The following TDRD5 variants were observed in gnomAD, a reference collection of about 807,000 sequenced individuals.
The protein encoded by TDRD5 is tudor domain containing 5.
Under a neutral mutation model 120.6 loss-of-function variants are expected in TDRD5, and 41 were observed. The observed-to-expected ratio is 0.34, with a 90% confidence interval of 0.26 to 0.44. The LOEUF is 0.44. Ranked by LOEUF, TDRD5 falls within the 20% of genes least tolerant of loss-of-function variation. The probability of loss-of-function intolerance (pLI) is 1.00; values close to 1 mark genes in which losing one functional copy is unlikely to be tolerated. For missense variants in TDRD5, 1,006 were observed against 1,221.2 expected, an observed-to-expected ratio of 0.82 and a Z score of 2.63; for synonymous variants, 430 against 433.7, an observed-to-expected ratio of 0.99 and a Z score of 0.11.
rs567987535 is a variant in TDRD5, at chr1:179,653,491, G to A, written c.2161-710G>A. ...GTTAATGTTAAAATTAATGAAGCTTGTATGCCCATAACACTTTCCAAAGCC... is the reference window on the plus strand; with the variant it reads ...GTTAATGTTAAAATTAATGAAGCTTATATGCCCATAACACTTTCCAAAGCC... On this transcript the variant is annotated intron_variant, in intron 13 of 17. Coordinates refer to ENST00000444136, the MANE Select transcript of TDRD5 (RefSeq NM_001199085.3). Among the ~76,000 whole-genome samples the A allele has an allele frequency of 1.4e-4, 21 of 152,198 alleles. No homozygotes were observed. The South Asian group carries it at 3.7e-3, about 27-fold the overall frequency.
chr1:179,629,484 T>C (rs1052570066), intron 6 of TDRD5, among the ~76,000 whole-genome samples: 7 of 152,152 alleles, frequency 4.6e-5, no homozygotes, highest in Non-Finnish European at 8.8e-5. Flanking sequence ...AGAATGAAGA[T>C]AGAAGTCACT....
chr1:179,654,392 T>A (rs1340636056), intron 14 of TDRD5, 30 bp downstream of exon 14: 1 of 1,508,748 alleles, frequency 6.6e-7, no homozygotes, highest in East Asian at 2.5e-5. Flanking sequence ...TCTTTGAATA[T>A]GTAATTAATA....
chr1:179,596,283 C>T (rs1428752422), intron 4 of TDRD5, among the ~76,000 whole-genome samples: 1 of 151,972 alleles, frequency 6.6e-6, no homozygotes, highest in African/African-American at 2.4e-5. Context: ...AGAATGAGCA[C>T]GTGGAAATTA....
At chr1:179,593,195 G>C (rs1373434784) in intron 2 of TDRD5, among the ~76,000 whole-genome samples, 4 of 152,206 alleles carry the variant, frequency 2.6e-5, no homozygotes, top group African/African-American at 7.2e-5. Flanking sequence ...GAAGTTTGCA[G>C]TTCATCCCAA....
In TDRD5 at chr1:179,593,605, G is replaced by C. The variant is rs61310274; in HGVS notation, c.378G>C (p.Arg126Ser). Residue 126 changes from arginine to serine, a missense_variant, in exon 3 of 18, where the codon AGG (arginine) becomes AGC (serine). This residue lies in a region of TDRD5 where 445 missense variants were observed against 515.5 expected (regional missense o/e 0.86). Coordinates refer to ENST00000444136, the MANE Select transcript of TDRD5 (RefSeq NM_001199085.3). ...RSHRRVPYRGRVAPILPAVVK... is the reference protein window; with the variant it reads ...RSHRRVPYRGSVAPILPAVVK... ...ATCGGCGAGTACCTTACCGAGGAAG[G>C]GTTGCCCCTATTCTTCCAGCTGTTG... 566,776 of 1,614,000 alleles carry C rather than the reference G, an allele frequency of 0.35. 102,447 individuals carry two copies. Among genetic ancestry groups the C allele is most frequent in the Admixed American group, 0.44 (26,438 of 60,006 alleles).
intron 17 of TDRD5, among the ~76,000 whole-genome samples, chr1:179,683,921 G>A (rs536835163): frequency 6.6e-6 from 1 of 152,114 alleles, no homozygotes; most frequent in South Asian, 2.1e-4. Context: ...GACCAGCTAC[G>A]AGTACACATC....
intron 11 of TDRD5, among the ~76,000 whole-genome samples, chr1:179,650,401 A>C (rs1678648030): frequency 1.1e-4 from 2 of 18,534 alleles, no homozygotes; most frequent in Admixed American, 5.2e-4. Flanking sequence ...ACTCTGTCTC[A>C]AAAAAAAAAA....
chr1:179,650,344 TGAGCC>T (rs1408563866), intron 11 of TDRD5, among the ~76,000 whole-genome samples: 1 of 138,934 alleles, frequency 7.2e-6, no homozygotes. Context: ...GAGGTCACAG[TGAGCC>T]GAGATCACGC....
At chr1:179,641,656 G>GT (rs1678056997) in intron 11 of TDRD5, among the ~76,000 whole-genome samples, 1 of 152,116 alleles carries the variant, frequency 6.6e-6, no homozygotes, top group South Asian at 2.1e-4. Context: ...GGGAGCGAGG[G>GT]TTTTTTGGTG....
At chr1:179,598,211 C>T (rs1675509952) in intron 4 of TDRD5, among the ~76,000 whole-genome samples, 2 of 152,146 alleles carry the variant, frequency 1.3e-5, no homozygotes, top group Admixed American at 1.3e-4. Flanking sequence ...AGAAAAAATA[C>T]AGTATTATAA....
At chr1:179,620,982 T>G (rs1676810723) in intron 5 of TDRD5, 53 bp from the exon 6 acceptor site, 5 of 1,317,446 alleles carry the variant, frequency 3.8e-6, no homozygotes, top group Non-Finnish European at 5.3e-6. Flanking sequence ...TTTAATATTG[T>G]GTCACTCAGC....
At chr1:179,617,760 G>A (rs953802033) in intron 4 of TDRD5, among the ~76,000 whole-genome samples, 1 of 151,866 alleles carries the variant, frequency 6.6e-6, no homozygotes, top group African/African-American at 2.4e-5. Context: ...GCTACTTTCT[G>A]ATCACATCCT....
chr1:179,625,539 A>G (rs1016474922), intron 6 of TDRD5, among the ~76,000 whole-genome samples: 3 of 152,204 alleles, frequency 2.0e-5, no homozygotes, highest in African/African-American at 4.8e-5. Context: ...ACTGATAAAC[A>G]TATGATAAAC....
At chr1:179,659,097 A>C (rs986335725) in intron 14 of TDRD5, among the ~76,000 whole-genome samples, 1 of 152,176 alleles carries the variant, frequency 6.6e-6, no homozygotes, top group African/African-American at 2.4e-5. Context: ...CCAGTATAGT[A>C]TGGTCTTAGA....
In TDRD5 at chr1:179,690,718, A is replaced by C. The variant is rs1050477363; in HGVS notation, c.2883A>C (p.Leu961=). 2 of 1,614,004 alleles carry C rather than the reference A, an allele frequency of 1.2e-6. No individual in the cohort carries two copies. The highest frequency in any genetic ancestry group is 1.7e-6 in the Non-Finnish European group (2 of 1,179,932). ...CAGTGGAAAGCTCACCAGAGATCCTAAAGAATGAAGATTTTTCTAGCAGCC... is the reference window on the plus strand; with the variant it reads ...CAGTGGAAAGCTCACCAGAGATCCTCAAGAATGAAGATTTTTCTAGCAGCC... ...SGSVESSPEI[L]KNEDFSSSRA... Residue 961 remains leucine (L), a synonymous_variant, in exon 18 of 18, where the codon CTA becomes CTC. Transcript: ENST00000444136.
intron 4 of TDRD5, among the ~76,000 whole-genome samples, chr1:179,605,119 A>G (rs1675904092): frequency 6.6e-6 from 1 of 152,204 alleles, no homozygotes; most frequent in Non-Finnish European, 1.5e-5. Flanking sequence ...CTTTACCATT[A>G]TATAATGTCC....
intron 17 of TDRD5, among the ~76,000 whole-genome samples, chr1:179,669,692 T>C (rs1679754027): frequency 6.6e-6 from 1 of 152,184 alleles, no homozygotes. Flanking sequence ...TTTCGACAAA[T>C]TGATAGTCTC....
intron 11 of TDRD5, among the ~76,000 whole-genome samples, chr1:179,646,677 G>A (rs1411092021): frequency 1.3e-5 from 2 of 152,164 alleles, no homozygotes; most frequent in Non-Finnish European, 2.9e-5. Context: ...CCTGTCTGCA[G>A]ATGACATGAT....
chr1:179,676,751 C>G (rs914941809), intron 17 of TDRD5, among the ~76,000 whole-genome samples: 2 of 152,170 alleles, frequency 1.3e-5, no homozygotes, highest in African/African-American at 4.8e-5. Flanking sequence ...TGTAGGTTAC[C>G]TGATGCTTTT....
Sources: allele counts gnomAD v4.1 joint callset (sites outside exome capture counted in the v4.1 genomes callset), GRCh38; gene constraint gnomAD v4.1.1; regional missense constraint gnomAD v4.1.1; transcripts MANE v1.5; gene names NCBI Gene and HGNC (gene_info 2026-07-23, HGNC 2026-07-21).